Variants in ANKRD44 observed in about 807,000 individuals in gnomAD.
ANKRD44 encodes the protein serine/threonine-protein phosphatase 6 regulatory ankyrin repeat subunit B.
In ANKRD44, 35 loss-of-function variants were observed where a neutral mutation model predicts 116.0. The observed-to-expected ratio is 0.30, with a 90% CI of 0.23 to 0.40. The LOEUF is 0.40. Ranked by LOEUF, ANKRD44 falls within the 10% of genes least tolerant of loss-of-function variation. ANKRD44 has a pLI of 1.00. For missense variants in ANKRD44, 1,014 were observed against 1,242.6 expected, an observed-to-expected ratio of 0.82 and a Z score of 2.77; for synonymous variants, 435 against 461.8, an observed-to-expected ratio of 0.94 and a Z score of 0.74.
intron 16 of ANKRD44, among the ~76,000 whole-genome samples, chr2:197,053,284 T>C: frequency 6.6e-6 from 1 of 152,224 alleles, no homozygotes; most frequent in Non-Finnish European, 1.5e-5. Context: ...TAAACCAGAA[T>C]GGAAACAGTA....
intron 16 of ANKRD44, chr2:197,029,455 T>C (rs1021400742): frequency 1.3e-4 from 50 of 396,522 alleles, no homozygotes; most frequent in Non-Finnish European, 2.2e-4. Flanking sequence ...GCTTATCTTA[T>C]GCATGGGAAG....
At chr2:197,190,923 TG>T (rs2080807388) in intron 1 of ANKRD44, among the ~76,000 whole-genome samples, 1 of 152,078 alleles carries the variant, frequency 6.6e-6, no homozygotes, top group Non-Finnish European at 1.5e-5. Flanking sequence ...ATAACACGAG[TG>T]CTTTGTGTAC....
intron 1 of ANKRD44, among the ~76,000 whole-genome samples, chr2:197,187,679 CCTCTTCTTCTCCCTCTCTCTCTT>C (rs2080718191): frequency 7.3e-6 from 1 of 137,618 alleles, no homozygotes; most frequent in Non-Finnish European, 1.6e-5. Flanking sequence ...TCTCTCTCTC[CCTCTTCTTCTCCCTCTCTCTCTT>C]TCTTCTCTCT....
intron 9 of ANKRD44, among the ~76,000 whole-genome samples, chr2:197,103,724 T>C (rs2078359176): frequency 6.6e-6 from 1 of 152,150 alleles, no homozygotes; most frequent in Non-Finnish European, 1.5e-5. Flanking sequence ...ATTTAGAAGA[T>C]GTAGTAAAAT....
At chr2:197,006,235 G>T (rs2076199932) in intron 20 of ANKRD44, among the ~76,000 whole-genome samples, 1 of 152,046 alleles carries the variant, frequency 6.6e-6, no homozygotes, top group African/African-American at 2.4e-5. Context: ...TAGGTCAGGA[G>T]ATCGAGACCA....
intron 15 of ANKRD44, among the ~76,000 whole-genome samples, chr2:197,080,910 C>T (rs887040424): frequency 6.6e-6 from 1 of 152,064 alleles, no homozygotes; most frequent in African/African-American, 2.4e-5. Flanking sequence ...GGAGTGGGTA[C>T]CAATTCGTTT....
At chr2:197,151,515 T>C (rs556515640) in intron 2 of ANKRD44, among the ~76,000 whole-genome samples, 146 of 152,270 alleles carry the variant, frequency 9.6e-4, no homozygotes, top group Non-Finnish European at 1.5e-3. Context: ...AACATGATGC[T>C]AGACAGCATC....
At chr2:197,119,509 A>G (rs938030340) in intron 8 of ANKRD44, among the ~76,000 whole-genome samples, 1 of 152,166 alleles carries the variant, frequency 6.6e-6, no homozygotes, top group African/African-American at 2.4e-5. Flanking sequence ...CAGGCTCCCA[A>G]GGAGCTGGGA....
At chr2:197,085,063 C>T (rs575388443) in intron 13 of ANKRD44, among the ~76,000 whole-genome samples, 2 of 152,062 alleles carry the variant, frequency 1.3e-5, no homozygotes, top group Admixed American at 1.3e-4. Flanking sequence ...TTTTAGCTCT[C>T]GATTGTTCAG....
intron 21 of ANKRD44, among the ~76,000 whole-genome samples, chr2:196,968,354 T>G (rs1232797684): frequency 6.6e-6 from 1 of 152,176 alleles, no homozygotes; most frequent in Non-Finnish European, 1.5e-5. Context: ...GGAGTTTATG[T>G]CTTACTTCAC....
intron 16 of ANKRD44, among the ~76,000 whole-genome samples, chr2:197,051,623 T>C (rs1486523627): frequency 6.6e-6 from 1 of 152,204 alleles, no homozygotes; most frequent in African/African-American, 2.4e-5. Flanking sequence ...CACTTAATAG[T>C]AACTTTGTTG....
intron 19 of ANKRD44, 108 bp downstream of exon 19, chr2:197,008,836 T>G: frequency 2.1e-6 from 2 of 931,384 alleles, no homozygotes; most frequent in Non-Finnish European, 1.7e-6. Context: ...CCAAATATAT[T>G]CCTCCAATTT....
At chr2:197,284,712 C>T (rs2083360500) in intron 1 of ANKRD44, among the ~76,000 whole-genome samples, 1 of 151,706 alleles carries the variant, frequency 6.6e-6, no homozygotes. Context: ...ATGGTGAAAC[C>T]CCGTCTCTAC....
chr2:197,112,712 AAAAAAAAAAAG>A (rs1333172863), intron 8 of ANKRD44, among the ~76,000 whole-genome samples: 6 of 147,982 alleles, frequency 4.1e-5, no homozygotes, highest in African/African-American at 1.6e-4. Flanking sequence ...CGTCTCAAAA[AAAAAAAAAAAG>A]AAAAAAAGAA....
At chr2:197,143,104 G>C (rs941304513) in intron 3 of ANKRD44, among the ~76,000 whole-genome samples, 8 of 149,120 alleles carry the variant, frequency 5.4e-5, no homozygotes, top group Non-Finnish European at 8.9e-5. Context: ...TTTCAACCCA[G>C]AACCCTATAA....
chr2:197,095,361 G>A (rs1000633627), intron 10 of ANKRD44, among the ~76,000 whole-genome samples: 5 of 152,206 alleles, frequency 3.3e-5, no homozygotes, highest in African/African-American at 9.7e-5. Flanking sequence ...TGAACCTAGG[G>A]AGGGCCAATG....
intron 25 of ANKRD44, among the ~76,000 whole-genome samples, chr2:196,996,445 T>A (rs1456284342): frequency 6.6e-6 from 1 of 152,152 alleles, no homozygotes; most frequent in East Asian, 1.9e-4. Context: ...TTTAACTACA[T>A]TGAAATAAAT....
At chr2:197,278,676 C>T (rs2083173853) in intron 1 of ANKRD44, among the ~76,000 whole-genome samples, 1 of 152,196 alleles carries the variant, frequency 6.6e-6, no homozygotes, top group Non-Finnish European at 1.5e-5. Flanking sequence ...AAGATGGAGG[C>T]TCTTTACACC....
chr2:197,044,490 G>C (rs2076966421), intron 16 of ANKRD44, among the ~76,000 whole-genome samples: 1 of 152,076 alleles, frequency 6.6e-6, no homozygotes, highest in African/African-American at 2.4e-5. Flanking sequence ...TCAGCCTCCT[G>C]AGCTGGGATT....
Sources: allele counts gnomAD v4.1 joint callset (sites outside exome capture counted in the v4.1 genomes callset), GRCh38; gene constraint gnomAD v4.1.1; transcripts MANE v1.5; gene names NCBI Gene and HGNC (gene_info 2026-07-23, HGNC 2026-07-21).